Variants in TMEM132C observed in about 807,000 individuals in gnomAD.
TMEM132C encodes transmembrane protein 132C.
In TMEM132C, 29 loss-of-function variants were observed where a neutral mutation model predicts 61.4. The observed-to-expected ratio is 0.47, with a 90% CI of 0.35 to 0.64. The LOEUF (loss-of-function observed/expected upper bound fraction) is 0.64, where lower values mean the gene tolerates loss of function less well. TMEM132C is among the 30% of genes least tolerant of loss of function. TMEM132C has a pLI of 0.00. For missense variants in TMEM132C, 1,408 were observed against 1,476.9 expected (o/e 0.95, Z 0.76); for synonymous variants, 656 against 633.1 (o/e 1.04, Z -0.54).
Position 128,463,628 on chromosome 12 carries a change from G to A in TMEM132C, c.974+48008G>A, listed in dbSNP as rs375354184. 6.8e-4 allele frequency among the ~76,000 whole-genome samples: 104 copies of A among 151,914 alleles called. 4 individuals carry two copies. The South Asian group carries it at 0.02, about 29-fold the overall frequency. ...CCCACCTCGCCCAGCCCATGCTTCC[G>A]TTTTCTTATTGAAGCATGTCCCTGG... is the stretch of plus-strand genomic sequence containing the variant. On this transcript the variant is annotated intron_variant, in intron 2 of 8. Coordinates refer to ENST00000435159, the MANE Select transcript of TMEM132C (RefSeq NM_001136103.3).
chr12:128,703,429 A>G, intron 8 of TMEM132C, among the ~76,000 whole-genome samples: 1 of 152,196 alleles, frequency 6.6e-6, no homozygotes, highest in African/African-American at 2.4e-5. Flanking sequence ...TCAGTTTGCT[A>G]AGAATAATGG....
chr12:128,694,412 G>A (rs1312602800), intron 6 of TMEM132C, among the ~76,000 whole-genome samples: 1 of 152,204 alleles, frequency 6.6e-6, no homozygotes, highest in Non-Finnish European at 1.5e-5. Flanking sequence ...AATGTTCTGT[G>A]CAGATCAAAT....
chr12:128,480,529 A>G (rs1871285706), intron 2 of TMEM132C, among the ~76,000 whole-genome samples: 2 of 152,318 alleles, frequency 1.3e-5, no homozygotes, highest in South Asian at 4.1e-4. Context: ...GCGGGAGCTG[A>G]GGCATCTGGC....
At chr12:128,476,752 T>C (rs1871167920) in intron 2 of TMEM132C, among the ~76,000 whole-genome samples, 1 of 152,172 alleles carries the variant, frequency 6.6e-6, no homozygotes, top group Admixed American at 6.5e-5. Context: ...GGCCAGTAAA[T>C]GTTTGATCTG....
At chr12:128,690,924 G>A (rs1049746847) in intron 5 of TMEM132C, among the ~76,000 whole-genome samples, 2 of 152,270 alleles carry the variant, frequency 1.3e-5, no homozygotes, top group Admixed American at 6.5e-5. Flanking sequence ...TGAGCCCAGA[G>A]TAGCCATCCA....
At chr12:128,468,274 C>G (rs972444457) in intron 2 of TMEM132C, among the ~76,000 whole-genome samples, 1 of 151,952 alleles carries the variant, frequency 6.6e-6, no homozygotes, top group Non-Finnish European at 1.5e-5. Flanking sequence ...CTTAGACTTT[C>G]TCCTGAAAGC....
At chr12:128,287,816 G>GA (rs1479795672) in intron 1 of TMEM132C, among the ~76,000 whole-genome samples, 2 of 152,184 alleles carry the variant, frequency 1.3e-5, no homozygotes, top group Non-Finnish European at 2.9e-5. Context: ...TTTTTTATCA[G>GA]AAACAATTTC....
intron 4 of TMEM132C, among the ~76,000 whole-genome samples, chr12:128,665,882 TAA>T (rs1954461139): frequency 1.4e-5 from 1 of 73,884 alleles, no homozygotes; most frequent in African/African-American, 5.3e-5. Flanking sequence ...CACGTACCCA[TAA>T]ACACACAGCC....
rs182073371 is a variant in TMEM132C at position 128,603,710 on chromosome 12, A to C, written c.1122-12442A>C. The stretch of plus-strand genomic sequence containing the variant: ...TTCTGAGGGCAACAGCAGCCTCCTC[A>C]CTACCTTCCAGGACTCAGGGTGCGG... On this transcript the variant is annotated intron_variant, in intron 3 of 8. Transcript: ENST00000435159. Among the ~76,000 whole-genome samples the C allele has an allele frequency of 2.1e-3, 323 of 152,238 alleles. 1 individual carries two copies. The highest frequency in any genetic ancestry group is 2.8e-3 in the Non-Finnish European group (188 of 68,016).
At chr12:128,641,063 G>A (rs961666367) in intron 4 of TMEM132C, among the ~76,000 whole-genome samples, 1 of 152,194 alleles carries the variant, frequency 6.6e-6, no homozygotes, top group Admixed American at 6.5e-5. Context: ...GTTCCCAGAG[G>A]GAGGAGTGCA....
At chr12:128,649,482 C>T (rs1195857714) in intron 4 of TMEM132C, among the ~76,000 whole-genome samples, 1 of 152,214 alleles carries the variant, frequency 6.6e-6, no homozygotes, top group Admixed American at 6.5e-5. Flanking sequence ...TGTGGATGCA[C>T]AACAGAAATG....
chr12:128,574,610 CT>C (rs1359558992), intron 3 of TMEM132C, among the ~76,000 whole-genome samples: 1 of 152,222 alleles, frequency 6.6e-6, no homozygotes, highest in Non-Finnish European at 1.5e-5. Flanking sequence ...TGGCCCCCTT[CT>C]GGAGGGCAGG....
intron 1 of TMEM132C, among the ~76,000 whole-genome samples, chr12:128,394,505 C>T (rs982034861): frequency 6.6e-6 from 1 of 152,182 alleles, no homozygotes; most frequent in East Asian, 1.9e-4. Context: ...AGATGTAAAG[C>T]AAGCACAACT....
At chr12:128,295,652 A>G (rs1240669803) in intron 1 of TMEM132C, among the ~76,000 whole-genome samples, 4 of 85,978 alleles carry the variant, frequency 4.7e-5, no homozygotes, top group African/African-American at 6.0e-5. Context: ...AAAAAAAAAA[A>G]AAAGAAAGAA....
chr12:128,600,034 G>C (rs1008142667), intron 3 of TMEM132C, among the ~76,000 whole-genome samples: 2 of 152,176 alleles, frequency 1.3e-5, no homozygotes, highest in African/African-American at 4.8e-5. Flanking sequence ...CCAGGCTGGA[G>C]TGCAGTGGCG....
At chr12:128,498,407 G>C (rs1872043996) in intron 2 of TMEM132C, among the ~76,000 whole-genome samples, 8 of 152,192 alleles carry the variant, frequency 5.3e-5, no homozygotes, top group Admixed American at 5.2e-4. Context: ...TGGGTACAGT[G>C]GCTCACACCT....
chr12:128,541,482 A>G (rs1873749531), intron 2 of TMEM132C, among the ~76,000 whole-genome samples: 1 of 152,144 alleles, frequency 6.6e-6, no homozygotes, highest in Non-Finnish European at 1.5e-5. Context: ...GACCAACCCT[A>G]TCCTGAAGCT....
chr12:128,553,955 G>T (rs922858108), intron 3 of TMEM132C, among the ~76,000 whole-genome samples: 1 of 152,222 alleles, frequency 6.6e-6, no homozygotes, highest in Non-Finnish European at 1.5e-5. Flanking sequence ...AGCTCCGGGG[G>T]TGTCTGTGCC....
At chr12:128,521,315 A>ATG (rs1565961173) in intron 2 of TMEM132C, among the ~76,000 whole-genome samples, 2 of 69,132 alleles carry the variant, frequency 2.9e-5, no homozygotes, top group African/African-American at 9.8e-5. Context: ...GTGTATATAT[A>ATG]TATATGTGTG....
Sources: gnomAD v4.1 joint callset for allele counts (sites outside exome capture counted in the v4.1 genomes callset) on GRCh38, gnomAD v4.1.1 for gene constraint, MANE v1.5 for transcripts, NCBI Gene and HGNC (gene_info 2026-07-23, HGNC 2026-07-21) for gene names.